KISS1: variants seen among roughly 807,000 people sequenced by gnomAD.
KISS1 encodes metastasis-suppressor KiSS-1.
For missense variants in KISS1, 182 were observed against 182.7 expected (o/e 1.00, Z 0.02); for synonymous variants, 97 against 88.7 (o/e 1.09, Z -0.52).
At position 204,192,733 on chromosome 1, in the gene KISS1, C is replaced by G. The variant is rs755656807; in HGVS notation, c.103+41G>C. The G allele has an allele frequency of 4.8e-6, 6 of 1,259,468 alleles. No individual in the cohort carries two copies. The South Asian group carries it at 7.6e-5, about 16-fold the overall frequency. 78.0% of individuals were successfully genotyped at this position (1,259,468 alleles called of 1,614,324 possible). A position where few individuals can be genotyped will look rare whatever the true frequency, so the allele number is the denominator to read the frequency against. ...ACGGGAAAGCTCATTTTGCAACAAC[C>G]CACTTGCTCCCTCCCACTCCTTTCC... On this transcript the variant is annotated intron_variant, in intron 2 of 2. Coordinates refer to ENST00000367194, the MANE Select transcript of KISS1 (RefSeq NM_002256.4). The surrounding 1 kb of genome is among the most constrained non-coding windows in gnomAD (Gnocchi z 4.2).
At chr1:204,191,328 C>T (rs1658739956) in intron 2 of KISS1, among the ~76,000 whole-genome samples, 1 of 152,176 alleles carries the variant, frequency 6.6e-6, no homozygotes, top group African/African-American at 2.4e-5. Context: ...CAACACTCGT[C>T]TTTGATAAGA....
At chr1:204,193,872 G>A (rs1180345668) in intron 1 of KISS1, among the ~76,000 whole-genome samples, 1 of 152,068 alleles carries the variant, frequency 6.6e-6, no homozygotes, top group Non-Finnish European at 1.5e-5. Flanking sequence ...AAAGTCACCA[G>A]ACACTTTGAG....
rs563097706 is a variant in KISS1 at position 204,190,485 on chromosome 1, C to G, written c.416G>C (p.Ter139SerextTer41). The G allele has an allele frequency of 2.6e-6, 4 of 1,550,970 alleles. No individual in the cohort carries two copies. The African/African-American group carries it at 6.0e-5, about 23-fold the overall frequency. Residue 139 changes from the stop codon to serine, a stop_lost, in exon 3 of 3, where the codon TGA becomes TCA. Transcript: ENST00000367194. ...GTTCACTGCCCCGCACCTGCGCCCT[C>G]AGCCCCGCCCAGCGCTTCTGCCGTG... ...GNHGRSAGRG[*>S] is the part of the protein sequence containing the mutation.
chr1:204,192,396 T>TC lies in KISS1; in HGVS notation c.103+377_103+378insG, dbSNP rs573808935. ...AATATCTGCCCTTTGGTTTAGGTTT[T>TC]TTTTTTTTTCCAAATTCTCCACAAA... On this transcript the variant is annotated intron_variant, in intron 2 of 2. Transcript: ENST00000367194. This position sits in a 1 kb window ranked among gnomAD's most constrained non-coding sequence, Gnocchi z 4.2. 3.3e-3 allele frequency among the ~76,000 whole-genome samples: 497 copies of TC among 151,938 alleles called. 5 individuals carry two copies. The highest frequency in any genetic ancestry group is 5.9e-3 in the Non-Finnish European group (402 of 67,928).
rs201464641 is a variant in KISS1, at chr1:204,190,413, CG to C, written c.*70del. ...GCCCCCTCCCTTAGCCCTACGTCCC[CG>C]CCCCCCGCCCCCGCCCCGCATGCTC... On this transcript the variant is annotated 3_prime_UTR_variant, in exon 3 of 3. Transcript: ENST00000367194. 34,492 of 614,072 alleles carry C rather than the reference CG, an allele frequency of 0.056. 1,918 individuals are homozygous for C. The highest frequency in any genetic ancestry group is 0.14 in the African/African-American group (5,703 of 41,662). 38.0% of individuals were successfully genotyped at this position (614,072 alleles called of 1,614,324 possible). A position where few individuals can be genotyped will look rare whatever the true frequency, so the allele number is the denominator to read the frequency against.
intron 1 of KISS1, among the ~76,000 whole-genome samples, chr1:204,193,275 T>G (rs1658777197): frequency 6.6e-6 from 1 of 152,028 alleles, no homozygotes; most frequent in Non-Finnish European, 1.5e-5. Flanking sequence ...GAGAGGAATG[T>G]TTGAGAAAGG....
At chr1:204,195,208 T>TACACAC (rs1558254557) in intron 1 of KISS1, among the ~76,000 whole-genome samples, 46 of 1,906 alleles carry the variant, frequency 0.024, no homozygotes, top group Non-Finnish European at 0.032. Context: ...CACACACATA[T>TACACAC]ATACGCACAC....
At position 204,190,406 on chromosome 1, in the gene KISS1, A is replaced by G. The variant is rs1294101961; in HGVS notation, c.*78T>C. 6 of 738,036 alleles carry G rather than the reference A, an allele frequency of 8.1e-6. No homozygotes were observed. Among genetic ancestry groups the G allele is most frequent in the Admixed American group, 4.6e-5 (2 of 43,692 alleles). 45.7% of individuals were successfully genotyped at this position (738,036 alleles called of 1,614,324 possible). A position where few individuals can be genotyped will look rare whatever the true frequency, so the allele number is the denominator to read the frequency against. On this transcript the variant is annotated 3_prime_UTR_variant, in exon 3 of 3. Coordinates refer to ENST00000367194, the MANE Select transcript of KISS1 (RefSeq NM_002256.4). ...CTCCAGCGCCCCCTCCCTTAGCCCTACGTCCCCGCCCCCCGCCCCCGCCCC... is the reference window on the plus strand; with the variant it reads ...CTCCAGCGCCCCCTCCCTTAGCCCTGCGTCCCCGCCCCCCGCCCCCGCCCC...
rs1658710404 is a variant in KISS1, at chr1:204,190,410, CCCCG to C, written c.*70_*73del. ...AGCGCCCCCTCCCTTAGCCCTACGT[CCCCG>C]CCCCCCGCCCCCGCCCCGCATGCTC... On this transcript the variant is annotated 3_prime_UTR_variant, in exon 3 of 3. Transcript: ENST00000367194. 7.5e-5 allele frequency: 33 copies of C among 440,312 alleles called. No homozygotes were observed. Among genetic ancestry groups the C allele is most frequent in the Admixed American group, 1.6e-4 (5 of 30,572 alleles). 27.3% of individuals were successfully genotyped at this position (440,312 alleles called of 1,614,324 possible). A position where few individuals can be genotyped will look rare whatever the true frequency, so the allele number is the denominator to read the frequency against.
intron 1 of KISS1, among the ~76,000 whole-genome samples, chr1:204,193,442 A>G (rs148832880): frequency 6.6e-6 from 1 of 152,264 alleles, no homozygotes; most frequent in East Asian, 1.9e-4. Context: ...CAAATCCACA[A>G]CTTTCTGTGT....
In KISS1 at chr1:204,190,769, C is replaced by T. The variant is rs368273357; in HGVS notation, c.132G>A (p.Leu44=). The T allele has an allele frequency of 1.7e-5, 27 of 1,611,568 alleles. No homozygotes were observed. Among genetic ancestry groups the T allele is most frequent in the Middle Eastern group, 1.6e-4 (1 of 6,076 alleles). Residue 44 remains leucine (L), a synonymous_variant, in exon 3 of 3, where the codon CTG becomes CTA. Coordinates refer to ENST00000367194, the MANE Select transcript of KISS1 (RefSeq NM_002256.4). ...ACGGCAGGCTCTGCTCCCCGGGGGC[C>T]AGGAGGCCCAGGGATTCTAGCTGCT... ...TGQQLESLGL[L]APGEQSLPCT...
intron 1 of KISS1, among the ~76,000 whole-genome samples, chr1:204,195,359 A>C (rs1302080319): frequency 1.5e-4 from 21 of 143,310 alleles, no homozygotes; most frequent in Middle Eastern, 3.6e-3. Context: ...CCACACACAT[A>C]TACACACATA....
chr1:204,190,354 A>T lies in KISS1; in HGVS notation c.*130T>A. Reference sequence around the variant, plus strand: ...ACCACACGTCAGTGAGTTACGCAACATTTCTTTTATTGCCTCGGGTTGGAA... The same window carrying T: ...ACCACACGTCAGTGAGTTACGCAACTTTTCTTTTATTGCCTCGGGTTGGAA... On this transcript the variant is annotated 3_prime_UTR_variant, in exon 3 of 3. Coordinates refer to ENST00000367194, the MANE Select transcript of KISS1 (RefSeq NM_002256.4). 1.0e-6 allele frequency: 1 copy of T among 980,886 alleles called. No homozygotes were observed. The highest frequency in any genetic ancestry group is 1.6e-6 in the Non-Finnish European group (1 of 644,456). 60.8% of individuals were successfully genotyped at this position (980,886 alleles called of 1,614,324 possible).
In KISS1 at chr1:204,190,430, C is replaced by CCCCCCGG; in HGVS notation, c.*53_*54insCCGGGGG. On this transcript the variant is annotated 3_prime_UTR_variant, in exon 3 of 3. Coordinates refer to ENST00000367194, the MANE Select transcript of KISS1 (RefSeq NM_002256.4). ...TACGTCCCCGCCCCCCGCCCCCGCC[C>CCCCCCGG]CGCATGCTCTGACTCCTTTGGGGTC... 1 of 1,079,962 alleles carries CCCCCCGG rather than the reference C, an allele frequency of 9.3e-7. No individual in the cohort carries two copies. Among genetic ancestry groups the CCCCCCGG allele is most frequent in the Non-Finnish European group, 1.4e-6 (1 of 735,306 alleles). 66.9% of individuals were successfully genotyped at this position (1,079,962 alleles called of 1,614,324 possible).
chr1:204,190,409 T>TACCCCCCC lies in KISS1; in HGVS notation c.*74_*75insGGGGGGGT. ...CAGCGCCCCCTCCCTTAGCCCTACG[T>TACCCCCCC]CCCCGCCCCCCGCCCCCGCCCCGCA... On this transcript the variant is annotated 3_prime_UTR_variant, in exon 3 of 3. Transcript: ENST00000367194. 1.2e-5 allele frequency: 7 copies of TACCCCCCC among 570,124 alleles called. No individual in the cohort carries two copies. Among genetic ancestry groups the TACCCCCCC allele is most frequent in the East Asian group, 3.7e-5 (1 of 26,786 alleles). The allele number at this position is 570,124 out of a possible 1,614,324, so 35.3% of individuals were successfully genotyped here.
chr1:204,195,425 CAT>C (rs1446683171), intron 1 of KISS1, among the ~76,000 whole-genome samples: 2 of 145,818 alleles, frequency 1.4e-5, no homozygotes, highest in Admixed American at 6.9e-5. Flanking sequence ...ACCACACACA[CAT>C]ATACACACAT....
rs1207487384 is a variant in KISS1 at position 204,192,318 on chromosome 1, T to G, written c.103+456A>C. ...GGTCTCAAATTTTCCAGCTTATCAG[T>G]TCCCCAATGAACTGGAGACAGTTCA... On this transcript the variant is annotated intron_variant, in intron 2 of 2. Coordinates refer to ENST00000367194, the MANE Select transcript of KISS1 (RefSeq NM_002256.4). This position sits in a 1 kb window ranked among gnomAD's most constrained non-coding sequence, Gnocchi z 4.2. Among the ~76,000 whole-genome samples, 3 of 152,192 alleles carry G rather than the reference T, an allele frequency of 2.0e-5. No homozygotes were observed. The East Asian group carries it at 5.8e-4, about 29-fold the overall frequency.
chr1:204,192,766 A>G lies in KISS1; in HGVS notation c.103+8T>C, dbSNP rs1206475227. ...TCCCTCCCACTCCTTTCCCCAGAGG[A>G]TACATACCTGTGGGTCTAGAATTCC... On this transcript the variant is annotated splice_region_variant and intron_variant, in intron 2 of 2. Coordinates refer to ENST00000367194, the MANE Select transcript of KISS1 (RefSeq NM_002256.4). This position sits in a 1 kb window ranked among gnomAD's most constrained non-coding sequence, Gnocchi z 4.2. The G allele has an allele frequency of 6.4e-7, 1 of 1,554,656 alleles. No homozygotes were observed. Among genetic ancestry groups the G allele is most frequent in the East Asian group, 2.3e-5 (1 of 44,354 alleles).
At chr1:204,195,189 C>CACACACATATATACGCACACACCCAT (rs1658816348) in intron 1 of KISS1, among the ~76,000 whole-genome samples, 1 of 1,998 alleles carries the variant, frequency 5.0e-4, no homozygotes, top group African/African-American at 1.5e-3. Context: ...CACACATGCA[C>CACACACATATATACGCACACACCCAT]ACACACACCA....
Sources: allele counts gnomAD v4.1 joint callset (sites outside exome capture counted in the v4.1 genomes callset), GRCh38; gene constraint gnomAD v4.1.1; non-coding constraint Gnocchi (gnomAD v3.1); transcripts MANE v1.5; gene names NCBI Gene and HGNC (gene_info 2026-07-23, HGNC 2026-07-21).